CLBA1: variants seen among roughly 807,000 people sequenced by gnomAD.
CLBA1 encodes the protein clathrin binding box of aftiphilin containing 1.
In CLBA1, 30 loss-of-function variants were observed where a neutral mutation model predicts 28.8. The ratio of observed to expected loss-of-function variants is 1.04; its 90% confidence interval spans 0.78 to 1.41. CLBA1 has a LOEUF of 1.41. CLBA1 is among the 40% of genes most tolerant of loss of function. CLBA1 has a pLI of 0.00. For synonymous variants in CLBA1, 160 were observed against 152.8 expected, an observed-to-expected ratio of 1.05 and a Z score of -0.35; for missense variants, 451 against 412.3, an observed-to-expected ratio of 1.09 and a Z score of -0.81.
intron 4 of CLBA1, 75 bp downstream of exon 4, chr14:104,993,139 C>T: frequency 6.4e-7 from 1 of 1,551,496 alleles, no homozygotes; most frequent in Non-Finnish European, 8.7e-7. Context: ...TCCGCTTTCT[C>T]TGATGTGAGT....
At chr14:104,988,484 C>T (rs769682317) in intron 1 of CLBA1, among the ~76,000 whole-genome samples, 8 of 152,042 alleles carry the variant, frequency 5.3e-5, no homozygotes, top group Non-Finnish European at 8.8e-5. Context: ...GGATTATAGG[C>T]GTGTACCACC....
chr14:104,994,188 C>G, intron 4 of CLBA1: 2 of 985,396 alleles, frequency 2.0e-6, no homozygotes, highest in Non-Finnish European at 2.4e-6. Flanking sequence ...CTGTGTTGTT[C>G]ACAGCAGCCG....
intron 3 of CLBA1, among the ~76,000 whole-genome samples, chr14:104,992,306 A>G (rs1258333596): frequency 2.6e-5 from 4 of 152,230 alleles, no homozygotes; most frequent in African/African-American, 9.6e-5. Context: ...CACGTGCTCA[A>G]GCTCCTGGGC....
downstream of CLBA1, among the ~76,000 whole-genome samples, chr14:104,999,795 A>T (rs949203836): frequency 1.3e-5 from 2 of 152,268 alleles, no homozygotes; most frequent in African/African-American, 4.8e-5. Context: ...GAGTGAATGC[A>T]GTGCATAGAA....
chr14:104,998,016 TAAAG>T (rs139924666), downstream of CLBA1, among the ~76,000 whole-genome samples: 86 of 145,192 alleles, frequency 5.9e-4, no homozygotes, highest in Admixed American at 1.9e-3. Context: ...CTCAAAAAAA[TAAAG>T]AAAGAAAGAA....
intron 1 of CLBA1, among the ~76,000 whole-genome samples, chr14:104,988,630 C>T (rs899363410): frequency 2.6e-5 from 4 of 152,158 alleles, no homozygotes; most frequent in South Asian, 2.1e-4. Flanking sequence ...TGAGCCACCG[C>T]GCCCGGCCGC....
At chr14:104,995,521 G>C (rs951910460), downstream of CLBA1, 2 of 984,252 alleles carry the variant, frequency 2.0e-6, no homozygotes, top group African/African-American at 1.7e-5. Context: ...GGATAAGCCT[G>C]TTGTCACTGG....
At chr14:104,986,930 G>A (rs1337452901) in intron 1 of CLBA1, 76 bp downstream of exon 1, 2 of 1,512,264 alleles carry the variant, frequency 1.3e-6, no homozygotes, top group African/African-American at 2.8e-5. Flanking sequence ...CTCGAATGCT[G>A]TGGCGTGCTG....
intron 3 of CLBA1, 54 bp from the exon 4 acceptor site, chr14:104,992,894 A>G (rs1309169725): frequency 4.3e-6 from 6 of 1,390,040 alleles, no homozygotes; most frequent in Non-Finnish European, 5.1e-6. Flanking sequence ...GGAAAAGGAA[A>G]CAGGAGACAA....
Position 104,991,599 on chromosome 14 carries a change from C to A in CLBA1, c.678C>A (p.Leu226=), listed in dbSNP as rs377284826. 2 of 1,613,116 alleles carry A rather than the reference C, an allele frequency of 1.2e-6. No individual in the cohort carries two copies. Among genetic ancestry groups the A allele is most frequent in the East Asian group, 2.2e-5 (1 of 44,870 alleles). Residue 226 remains leucine, a synonymous_variant, in exon 3 of 5, where the codon CTC becomes CTA. Transcript: ENST00000547315. ...GCCAGGAGAACTTCTTTCTTGTTCT[C>A]GGAATAGATGCTGCGCAGAAGGTAG... ...SRCQENFFLV[L]GIDAAQKNLS...
chr14:105,000,293 T>TC (rs369631336), downstream of CLBA1, among the ~76,000 whole-genome samples: 4 of 151,374 alleles, frequency 2.6e-5, no homozygotes, highest in Admixed American at 6.6e-5. Context: ...TTTCTTTCTT[T>TC]TTTTTTTTTG....
chr14:104,998,404 A>T (rs1393105474), downstream of CLBA1, among the ~76,000 whole-genome samples: 2 of 141,272 alleles, frequency 1.4e-5, no homozygotes, highest in East Asian at 2.0e-4. Context: ...ACAGAGTAAG[A>T]CCCTATCTCT....
In CLBA1 at chr14:104,988,923, T is replaced by G; in HGVS notation, c.424-20T>G. The stretch of plus-strand genomic sequence containing the variant: ...TGTCTTTCTCCTAACTTTGGTATGC[T>G]TTTCTTCTTTTCTTTTCAGCCCATT... On this transcript the variant is annotated intron_variant, in intron 1 of 4. Transcript: ENST00000547315. 6.3e-7 allele frequency: 1 copy of G among 1,587,458 alleles called. No individual in the cohort carries two copies. Among genetic ancestry groups the G allele is most frequent in the Middle Eastern group, 1.7e-4 (1 of 5,968 alleles).
Position 104,986,509 on chromosome 14 carries a change from G to A in CLBA1, c.78G>A (p.Val26=), listed in dbSNP as rs1860385675. The A allele has an allele frequency of 1.9e-6, 3 of 1,613,848 alleles. No individual in the cohort carries two copies. Among genetic ancestry groups the A allele is most frequent in the Non-Finnish European group, 2.5e-6 (3 of 1,180,030 alleles). Residue 26 remains valine, a synonymous_variant, in exon 1 of 5, where the codon GTG becomes GTA. Coordinates refer to ENST00000547315, the MANE Select transcript of CLBA1 (RefSeq NM_174891.4). ...AAGCAGCCAGCGCTTCCCTCCGAGT[G>A]GCACCTGAGAGGCTGAGTGATGACA... is the stretch of plus-strand genomic sequence containing the variant. ...QEEAASASLR[V]APERLSDDSL...
chr14:104,991,672 T>C (rs536653365), intron 3 of CLBA1, 52 bp downstream of exon 3: 1 of 1,558,080 alleles, frequency 6.4e-7, no homozygotes, highest in African/African-American at 1.4e-5. Context: ...TGAACTTCAC[T>C]GTCACCAGTG....
downstream of CLBA1, among the ~76,000 whole-genome samples, chr14:104,999,920 G>A (rs1365415555): frequency 6.6e-6 from 1 of 152,184 alleles, no homozygotes; most frequent in Non-Finnish European, 1.5e-5. Flanking sequence ...TAAGCAGAAA[G>A]AAGGAAATAA....
Position 104,989,065 on chromosome 14 carries a change from C to T in CLBA1, c.546C>T (p.Gly182=), listed in dbSNP as rs527728804. 1.3e-4 allele frequency: 209 copies of T among 1,610,844 alleles called. No individual in the cohort carries two copies. Among genetic ancestry groups the T allele is most frequent in the Non-Finnish European group, 1.6e-4 (183 of 1,178,956 alleles). ...FLEISSEEKP[G]VERVHKLCNE... Reference sequence around the variant, plus strand: ...AAATAAGCAGTGAAGAAAAACCTGGCGTTGAACGTGTACATAAATTGTGGT... The same window carrying T: ...AAATAAGCAGTGAAGAAAAACCTGGTGTTGAACGTGTACATAAATTGTGGT... The change falls in exon 2 of 5, where the codon GGC becomes GGT. Residue 182 remains glycine, a synonymous_variant. Coordinates refer to ENST00000547315, the MANE Select transcript of CLBA1 (RefSeq NM_174891.4).
intron 3 of CLBA1, among the ~76,000 whole-genome samples, chr14:104,991,918 T>C (rs1900035317): frequency 6.6e-6 from 1 of 151,988 alleles, no homozygotes; most frequent in South Asian, 2.1e-4. Flanking sequence ...CTCATGCCAC[T>C]GCCGCCGCCA....
downstream of CLBA1, chr14:104,999,203 CT>C: frequency 1.0e-6 from 1 of 985,040 alleles, no homozygotes; most frequent in Non-Finnish European, 1.2e-6. Context: ...TAAATCTGTC[CT>C]GGCCTTTGAT....
Sources: allele counts gnomAD v4.1 joint callset (sites outside exome capture counted in the v4.1 genomes callset), GRCh38; gene constraint gnomAD v4.1.1; transcripts MANE v1.5; gene names NCBI Gene and HGNC (gene_info 2026-07-23, HGNC 2026-07-21).